Variants in LRP1B observed in about 807,000 individuals in gnomAD.
The protein encoded by LRP1B is low-density lipoprotein receptor-related protein 1B.
LRP1B carries 217 observed loss-of-function variants against 556.6 expected under a neutral mutation model. The ratio of observed to expected loss-of-function variants is 0.39; its 90% CI spans 0.35 to 0.44. The LOEUF (loss-of-function observed/expected upper bound fraction) is 0.44, where lower values mean the gene tolerates loss of function less well. LRP1B is among the 20% of genes least tolerant of loss of function. LRP1B has a pLI of 1.00. For synonymous variants in LRP1B, 2,047 were observed against 1,865.8 expected (o/e 1.10, Z -2.50); for missense variants, 5,053 against 5,620.8 (o/e 0.90, Z 3.23).
intron 1 of LRP1B, among the ~76,000 whole-genome samples, chr2:142,030,531 G>T (rs78951721): frequency 0.069 from 10,459 of 151,858 alleles, 465 homozygotes; most frequent in East Asian, 0.2. Flanking sequence ...ATCTGGGGGT[G>T]AAGGAATTAT....
chr2:140,761,030 T>C (rs1383377077), intron 35 of LRP1B, among the ~76,000 whole-genome samples: 2 of 152,224 alleles, frequency 1.3e-5, no homozygotes, highest in South Asian at 2.1e-4. Context: ...TGAAAAAATA[T>C]ATACGTGTGA....
At chr2:140,655,625 A>G (rs1684850143) in intron 41 of LRP1B, among the ~76,000 whole-genome samples, 1 of 152,188 alleles carries the variant, frequency 6.6e-6, no homozygotes, top group African/African-American at 2.4e-5. Flanking sequence ...GCTAGGTTAT[A>G]AAAAGTACCT....
chr2:140,989,138 T>C (rs1697014455), intron 17 of LRP1B, among the ~76,000 whole-genome samples: 1 of 152,090 alleles, frequency 6.6e-6, no homozygotes, highest in South Asian at 2.1e-4. Flanking sequence ...TATTCTATAG[T>C]AGACTAAATA....
At chr2:140,820,855 C>T (rs1028898428) in intron 31 of LRP1B, among the ~76,000 whole-genome samples, 3 of 150,980 alleles carry the variant, frequency 2.0e-5, no homozygotes, top group Admixed American at 6.6e-5. Flanking sequence ...GCCTTTTATG[C>T]CTGCTTTTCT....
rs1253884028 is a variant in LRP1B, at chr2:141,015,688, T to C, written c.2190+8A>G. 1 of 1,601,862 alleles carries C rather than the reference T, an allele frequency of 6.2e-7. No homozygotes were observed. The highest frequency in any genetic ancestry group is 8.5e-7 in the Non-Finnish European group (1 of 1,169,880). ...TGTGGGTTAAAAACAGCAGCATTTG[T>C]CTTTTACCTTCCTGTGAGTCCCATT... is the stretch of plus-strand genomic sequence containing the variant. On this transcript the variant is annotated splice_region_variant and intron_variant, in intron 13 of 90. Coordinates refer to ENST00000389484, the MANE Select transcript of LRP1B (RefSeq NM_018557.3).
intron 1 of LRP1B, among the ~76,000 whole-genome samples, chr2:142,115,103 C>T (rs34199884): frequency 0.13 from 20,218 of 151,610 alleles, 1,666 homozygotes; most frequent in African/African-American, 0.23. Flanking sequence ...AACATATTAA[C>T]GGAGGAATTG....
intron 43 of LRP1B, among the ~76,000 whole-genome samples, chr2:140,546,026 GTGTGTGTGTC>G (rs1680325485): frequency 6.6e-6 from 1 of 151,394 alleles, no homozygotes; most frequent in Non-Finnish European, 1.5e-5. Flanking sequence ...GTGTGTGTGT[GTGTGTGTGTC>G]TGTTGCAATT....
chr2:141,906,154 G>C (rs1412722332), intron 1 of LRP1B, among the ~76,000 whole-genome samples: 1 of 151,626 alleles, frequency 6.6e-6, no homozygotes, highest in African/African-American at 2.4e-5. Context: ...CCAAACAAAA[G>C]AGCAGTAATG....
At chr2:142,065,754 C>T (rs1346761615) in intron 1 of LRP1B, among the ~76,000 whole-genome samples, 1 of 151,330 alleles carries the variant, frequency 6.6e-6, no homozygotes, top group African/African-American at 2.4e-5. Context: ...CACCTTCACC[C>T]CATTCCAAAA....
chr2:141,289,384 A>G (rs1373440823), intron 3 of LRP1B, among the ~76,000 whole-genome samples: 1 of 140,818 alleles, frequency 7.1e-6, no homozygotes, highest in Admixed American at 7.0e-5. Flanking sequence ...TCCATCTCAA[A>G]AAAAAAAAAA....
chr2:140,379,718 C>A (rs1683391138), intron 67 of LRP1B, among the ~76,000 whole-genome samples: 1 of 151,944 alleles, frequency 6.6e-6, no homozygotes, highest in Non-Finnish European at 1.5e-5. Flanking sequence ...AGAAAAGAAA[C>A]CCTTCAGAAC....
chr2:141,506,989 G>C (rs1484357706), intron 2 of LRP1B, among the ~76,000 whole-genome samples: 3 of 152,054 alleles, frequency 2.0e-5, no homozygotes, highest in African/African-American at 7.2e-5. Context: ...ATACAAAGGT[G>C]ATGCTTATTA....
chr2:140,849,754 G>A (rs868324747), intron 29 of LRP1B, among the ~76,000 whole-genome samples: 3 of 151,962 alleles, frequency 2.0e-5, no homozygotes, highest in African/African-American at 7.2e-5. Context: ...GGTTCAGGCT[G>A]GTCTCGAACT....
chr2:141,461,094 G>A (rs1469669711), intron 3 of LRP1B, among the ~76,000 whole-genome samples: 4 of 152,020 alleles, frequency 2.6e-5, no homozygotes, highest in African/African-American at 4.8e-5. Flanking sequence ...GAGAGTAAAT[G>A]AGATCACTAA....
intron 78 of LRP1B, among the ~76,000 whole-genome samples, chr2:140,335,245 A>G (rs1380839218): frequency 4.6e-5 from 7 of 151,966 alleles, no homozygotes; most frequent in Admixed American, 2.6e-4. Flanking sequence ...TACCATAGAG[A>G]AAAATGTTAG....
chr2:141,745,898 G>A (rs891286499), intron 2 of LRP1B, among the ~76,000 whole-genome samples: 29 of 151,784 alleles, frequency 1.9e-4, no homozygotes, highest in Non-Finnish European at 7.4e-5. Context: ...GTCAGCAGGT[G>A]ACGTATTCCG....
intron 79 of LRP1B, among the ~76,000 whole-genome samples, chr2:140,332,300 C>T (rs965082139): frequency 1.3e-5 from 2 of 150,108 alleles, no homozygotes; most frequent in African/African-American, 5.0e-5. Flanking sequence ...TCTGCATATG[C>T]CTCATTTTTT....
intron 7 of LRP1B, among the ~76,000 whole-genome samples, chr2:141,066,325 C>T (rs1371687592): frequency 6.6e-6 from 1 of 151,924 alleles, no homozygotes; most frequent in Non-Finnish European, 1.5e-5. Context: ...CGTTTCACTA[C>T]AGTCATATAA....
At chr2:140,805,873 A>G (rs978566496) in intron 32 of LRP1B, among the ~76,000 whole-genome samples, 8 of 152,186 alleles carry the variant, frequency 5.3e-5, no homozygotes, top group Middle Eastern at 3.2e-3. Flanking sequence ...GCATATATAT[A>G]TGGATGCATA....
Sources: allele counts gnomAD v4.1 joint callset (sites outside exome capture counted in the v4.1 genomes callset), GRCh38; gene constraint gnomAD v4.1.1; transcripts MANE v1.5; gene names NCBI Gene and HGNC (gene_info 2026-07-23, HGNC 2026-07-21).